ACRBP: variants seen among roughly 807,000 people sequenced by gnomAD.
ACRBP encodes the protein acrosin-binding protein.
Under a neutral mutation model 69.0 loss-of-function variants are expected in ACRBP, and 52 were observed. The observed-to-expected ratio is 0.75, with a 90% CI of 0.60 to 0.95. The LOEUF (loss-of-function observed/expected upper bound fraction) is 0.95, where lower values mean the gene tolerates loss of function less well. ACRBP is among the 40% of genes least tolerant of loss of function. The probability of loss-of-function intolerance (pLI) is 0.00; values close to 1 mark genes in which losing one functional copy is unlikely to be tolerated. For missense variants in ACRBP, 604 were observed against 673.0 expected (o/e 0.90, Z 1.13); for synonymous variants, 267 against 258.9 (o/e 1.03, Z -0.30).
Position 6,647,022 on chromosome 12 carries a change from G to C in ACRBP, c.44-10C>G, listed in dbSNP as rs779984135. The C allele has an allele frequency of 1.9e-5, 30 of 1,605,850 alleles. No individual in the cohort carries two copies. The highest frequency in any genetic ancestry group is 1.3e-4 in the East Asian group (6 of 44,886). ...AGAGGCAGGAGCAGCACTGCGGAGC[G>C]GGCGAACGGATGATGGAAGGACCGA... On this transcript the variant is annotated splice_polypyrimidine_tract_variant and intron_variant, in intron 1 of 9. Coordinates refer to ENST00000229243, the MANE Select transcript of ACRBP (RefSeq NM_032489.3).
At chr12:6,643,516 A>G (rs1366391494) in intron 6 of ACRBP, 23 bp downstream of exon 6, 1 of 1,613,864 alleles carries the variant, frequency 6.2e-7, no homozygotes, top group South Asian at 1.1e-5. Flanking sequence ...GCATGTATCC[A>G]TTAGACAGTA....
chr12:6,644,228 T>G lies in ACRBP; in HGVS notation c.853A>C (p.Ile285Leu). The G allele has an allele frequency of 6.2e-7, 1 of 1,614,068 alleles. No individual in the cohort carries two copies. Among genetic ancestry groups the G allele is most frequent in the Non-Finnish European group, 8.5e-7 (1 of 1,179,950 alleles). The change falls in exon 5 of 10, where the codon ATC becomes CTC. Residue 285 changes from isoleucine to leucine, a missense_variant. Ile to Leu is a conservative substitution (Grantham distance 5). Transcript: ENST00000229243. ...TGGGCTGATCGAATGAGCTCCTGGA[T>G]GTTCTCCATTATCATAGGAGTAGAC... is the stretch of plus-strand genomic sequence containing the variant. The part of the protein sequence containing the change: ...VESTPMIMEN[I>L]QELIRSAQEI...
rs2136252700 is a variant in ACRBP, at chr12:6,646,695, C to A, written c.262+99G>T. ...GTACGAGCTCATGGTGTGGTGCCAGCCATGCCCTTCCCCGCCTCACATGAG... is the reference window on the plus strand; with the variant it reads ...GTACGAGCTCATGGTGTGGTGCCAGACATGCCCTTCCCCGCCTCACATGAG... On this transcript the variant is annotated intron_variant, in intron 2 of 9. Transcript: ENST00000229243. 6.5e-6 allele frequency: 10 copies of A among 1,527,160 alleles called. No individual in the cohort carries two copies. In the South Asian group the frequency reaches 9.1e-5, roughly 14 times the overall value. 94.6% of individuals were successfully genotyped at this position (1,527,160 alleles called of 1,614,324 possible).
rs1287207301 is a variant in ACRBP, at chr12:6,644,550, T to C, written c.531A>G (p.Glu177=). Reference sequence around the variant, plus strand: ...GGGACAAGGAGGATTGTAGGAGCTCTTCCACGTTGTTGCTGAGCCTCTCAG... The same window carrying C: ...GGGACAAGGAGGATTGTAGGAGCTCCTCCACGTTGTTGCTGAGCCTCTCAG... The part of the protein sequence containing the change: ...PWPERLSNNV[E]ELLQSSLSLG... The change falls in exon 5 of 10, where the codon GAA becomes GAG. Residue 177 remains glutamate (E), a synonymous_variant. Transcript: ENST00000229243. 4 of 1,613,958 alleles carry C rather than the reference T, an allele frequency of 2.5e-6. No homozygotes were observed.
intron 8 of ACRBP, 133 bp from the exon 9 acceptor site, chr12:6,639,170 G>A: frequency 4.0e-6 from 3 of 754,560 alleles, no homozygotes; most frequent in South Asian, 3.3e-5. Flanking sequence ...CACACAGGCG[G>A]CCCCTCACTC....
At chr12:6,642,167 T>G (rs1216186432) in intron 6 of ACRBP, among the ~76,000 whole-genome samples, 3 of 152,198 alleles carry the variant, frequency 2.0e-5, no homozygotes, top group Admixed American at 1.3e-4. Context: ...GTCTCTCTCC[T>G]GCCCTAGATT....
Position 6,638,199 on chromosome 12 carries a change from G to A in ACRBP, c.*83C>T, listed in dbSNP as rs1949024673. On this transcript the variant is annotated 3_prime_UTR_variant, in exon 10 of 10. Coordinates refer to ENST00000229243, the MANE Select transcript of ACRBP (RefSeq NM_032489.3). ...AGGGGCCGAGTAACAGACCCAGAAG[G>A]GGCAGCCTGAAAGCAATGGGGTCTC... 3.2e-6 allele frequency: 5 copies of A among 1,572,086 alleles called. No homozygotes were observed. The highest frequency in any genetic ancestry group is 4.3e-6 in the Non-Finnish European group (5 of 1,154,532).
Position 6,638,345 on chromosome 12 carries a change from A to G in ACRBP, c.1569T>C (p.Ser523=). The G allele has an allele frequency of 6.2e-7, 1 of 1,614,118 alleles. No individual in the cohort carries two copies. Among genetic ancestry groups the G allele is most frequent in the Non-Finnish European group, 8.5e-7 (1 of 1,180,018 alleles). Reference sequence around the variant, plus strand: ...GGCTCCATCGAAGCACAACGTCCTCACTTTTGCCAGGGCTCAGCGCACTGT... The same window carrying G: ...GGCTCCATCGAAGCACAACGTCCTCGCTTTTGCCAGGGCTCAGCGCACTGT... The part of the protein sequence containing the change: ...ETYSALSPGK[S]EDVVLRWSQE... The change falls in exon 10 of 10, where the codon AGT becomes AGC. Residue 523 remains serine (S), a synonymous_variant. Transcript: ENST00000229243.
chr12:6,644,686 A>G (rs1322156649), intron 4 of ACRBP, 81 bp from the exon 5 acceptor site: 1 of 1,514,188 alleles, frequency 6.6e-7, no homozygotes, highest in African/African-American at 1.4e-5. Flanking sequence ...AGGGACACAC[A>G]CATAAACAAA....
rs3741923 is a variant in ACRBP, at chr12:6,643,610, T to C, written c.1006A>G (p.Thr336Ala). 705 of 1,614,214 alleles carry C rather than the reference T, an allele frequency of 4.4e-4. 6 individuals carry two copies. In the East Asian group the frequency reaches 0.014, roughly 31 times the overall value. Residue 336 changes from threonine (T) to alanine (A), a missense_variant, in exon 6 of 10, where the codon ACC becomes GCC. By Grantham distance (58) the Thr-to-Ala change is moderately conservative. This residue lies in a region of ACRBP where 532 missense variants were observed against 562.9 expected (regional missense o/e 0.95). Transcript: ENST00000229243. ...TTGGCTGTGGGGGTTATGATGCAGG[T>C]ATTCTCCACGATCGAATAGCACAGC... ...LVLCYSIVENTCIITPTAKAW... is the reference protein window; with the variant it reads ...LVLCYSIVENACIITPTAKAW...
At chr12:6,641,271 C>T (rs1949050808) in intron 6 of ACRBP, among the ~76,000 whole-genome samples, 2 of 152,178 alleles carry the variant, frequency 1.3e-5, no homozygotes, top group Admixed American at 1.3e-4. Flanking sequence ...AGCAGGAGAT[C>T]GTACTAAGCA....
intron 8 of ACRBP, among the ~76,000 whole-genome samples, chr12:6,639,812 T>C (rs1275379343): frequency 6.6e-6 from 1 of 152,196 alleles, no homozygotes; most frequent in African/African-American, 2.4e-5. Flanking sequence ...CTGGCAGAGT[T>C]GGGACCAGAA....
chr12:6,645,960 CTGT>C (rs201126244), intron 3 of ACRBP, among the ~76,000 whole-genome samples: 3,474 of 148,704 alleles, frequency 0.023, 53 homozygotes, highest in Admixed American at 0.041. Flanking sequence ...GCACTCGTCC[CTGT>C]TGTTGTTTTT....
At chr12:6,647,170 G>T in intron 1 of ACRBP, 154 bp downstream of exon 1, 2 of 1,118,466 alleles carry the variant, frequency 1.8e-6, no homozygotes, top group Non-Finnish European at 2.6e-6. Context: ...AGGTCCGGCC[G>T]CGGGCGGGGG....
intron 8 of ACRBP, among the ~76,000 whole-genome samples, chr12:6,639,334 TGGGA>T (rs1949034809): frequency 6.6e-6 from 1 of 152,136 alleles, no homozygotes; most frequent in East Asian, 1.9e-4. Flanking sequence ...GTCCAGAACA[TGGGA>T]CAGGGACCCG....
In ACRBP at chr12:6,643,545, C is replaced by T. The variant is rs755580617; in HGVS notation, c.1071G>A (p.Gly357=). Residue 357 remains glycine, a synonymous_variant, in exon 6 of 10, where the codon GGG becomes GGA. Coordinates refer to ENST00000229243, the MANE Select transcript of ACRBP (RefSeq NM_032489.3). ...GACAGTATGGCTGGCATACCGACTTCCCGAAACCAAGGATCTCCTCCTCCA... is the reference window on the plus strand; with the variant it reads ...GACAGTATGGCTGGCATACCGACTTTCCGAAACCAAGGATCTCCTCCTCCA... ...KYMEEEILGF[G]KSVCDSLGRR... 3 of 1,614,174 alleles carry T rather than the reference C, an allele frequency of 1.9e-6. No homozygotes were observed. Among genetic ancestry groups the T allele is most frequent in the Non-Finnish European group, 2.5e-6 (3 of 1,180,016 alleles).
intron 6 of ACRBP, among the ~76,000 whole-genome samples, chr12:6,642,077 C>T (rs192964303): frequency 1.3e-5 from 2 of 152,174 alleles, no homozygotes; most frequent in African/African-American, 2.4e-5. Flanking sequence ...TTGTCCCCAA[C>T]CCACCCCATC....
chr12:6,643,778 C>G, intron 5 of ACRBP, 107 bp from the exon 6 acceptor site: 1 of 1,475,898 alleles, frequency 6.8e-7, no homozygotes, highest in Non-Finnish European at 9.2e-7. Flanking sequence ...CACACACATT[C>G]AGCATGCTTA....
rs1949028042 is a variant in ACRBP at position 6,638,562 on chromosome 12, C to T, written c.1510-158G>A. On this transcript the variant is annotated intron_variant, in intron 9 of 9. Coordinates refer to ENST00000229243, the MANE Select transcript of ACRBP (RefSeq NM_032489.3). ...GAAACTCAAATGTGGGTTTTTAAAG[C>T]CAGAGGAGACATCAAGCAGCCCAAC... The T allele has an allele frequency of 1.2e-5, 15 of 1,245,790 alleles. No homozygotes were observed. The South Asian group carries it at 1.9e-4, about 16-fold the overall frequency. 77.2% of individuals were successfully genotyped at this position (1,245,790 alleles called of 1,614,324 possible).
Sources: gnomAD v4.1 joint callset for allele counts (sites outside exome capture counted in the v4.1 genomes callset) on GRCh38, gnomAD v4.1.1 for gene constraint, gnomAD v4.1.1 regional missense constraint, MANE v1.5 for transcripts, NCBI Gene and HGNC (gene_info 2026-07-23, HGNC 2026-07-21) for gene names.